Variants in GPS1 observed in about 807,000 individuals in gnomAD.
GPS1 encodes the protein G protein pathway suppressor 1, also known as COP9 signalosome complex subunit 1.
In GPS1, 11 loss-of-function variants were observed where a neutral mutation model predicts 60.0. The ratio of observed to expected loss-of-function variants is 0.18; its 90% CI spans 0.12 to 0.30. GPS1 has a LOEUF of 0.30. Ranked by LOEUF, GPS1 falls within the 10% of genes least tolerant of loss-of-function variation. The pLI is 1.00. For missense variants in GPS1, 543 were observed against 669.2 expected, an observed-to-expected ratio of 0.81 and a Z score of 2.08; for synonymous variants, 343 against 269.8, an observed-to-expected ratio of 1.27 and a Z score of -2.66.
intron 5 of GPS1, 58 bp from the exon 6 acceptor site, chr17:82,055,104 G>T (rs1183735309): frequency 1.3e-6 from 2 of 1,565,558 alleles, no homozygotes; most frequent in East Asian, 2.4e-5. Flanking sequence ...TGGGGGCTGG[G>T]CATCGAGCTC....
chr17:82,055,359 A>G (rs4969464), intron 6 of GPS1, 137 bp downstream of exon 6: 843,138 of 877,858 alleles, frequency 0.96, 405,119 homozygotes, highest in East Asian at 1. Context: ...GGGCACATGT[A>G]CAGGTGTAGG....
In GPS1 at chr17:82,057,049, G is replaced by A. The variant is rs2033000231; in HGVS notation, c.1390-4G>A. ...CTGTGAGCTGCTCCTTGTCTCCCCT[G>A]CAGTCCCCGCCCAGAGAAGGGAGCC... is the stretch of plus-strand genomic sequence containing the variant. On this transcript the variant is annotated splice_region_variant and splice_polypyrimidine_tract_variant and intron_variant, in intron 12 of 12. Coordinates refer to ENST00000578552, the MANE Select transcript of GPS1 (RefSeq NM_001321092.3). The A allele has an allele frequency of 6.2e-7, 1 of 1,601,114 alleles. No individual in the cohort carries two copies. The highest frequency in any genetic ancestry group is 1.7e-5 in the Admixed American group (1 of 59,378).
chr17:82,056,892 T>C lies in GPS1; in HGVS notation c.1307T>C (p.Leu436Pro). ...DQRSTTFEKS[L>P]LMGKEFQRRA... ...CGCAGCACCACCTTTGAGAAGTCTC[T>C]GTTGATGGGCAAGGAGTTCCAGCGC... Residue 436 changes from leucine (L) to proline (P), a missense_variant, in exon 12 of 13, where the codon CTG (leucine) becomes CCG (proline). Coordinates refer to ENST00000578552, the MANE Select transcript of GPS1 (RefSeq NM_001321092.3). 3 of 1,612,926 alleles carry C rather than the reference T, an allele frequency of 1.9e-6. No individual in the cohort carries two copies. Among genetic ancestry groups the C allele is most frequent in the Non-Finnish European group, 2.5e-6 (3 of 1,179,946 alleles).
chr17:82,057,164 TC>T lies in GPS1; in HGVS notation c.*41del. 6.4e-7 allele frequency: 1 copy of T among 1,570,914 alleles called. No individual in the cohort carries two copies. The highest frequency in any genetic ancestry group is 8.7e-7 in the Non-Finnish European group (1 of 1,155,382). On this transcript the variant is annotated 3_prime_UTR_variant, in exon 13 of 13. Coordinates refer to ENST00000578552, the MANE Select transcript of GPS1 (RefSeq NM_001321092.3). The stretch of plus-strand genomic sequence containing the variant: ...TGGCCTCCAGGACATCTGCACCCCC[TC>T]CCCACCTCCACGGACCTCGGACCTC...
chr17:82,055,557 G>C (rs1343044998), intron 6 of GPS1, 183 bp from the exon 7 acceptor site: 1 of 611,306 alleles, frequency 1.6e-6, no homozygotes, highest in Non-Finnish European at 2.9e-6. Context: ...AGCATTGGTG[G>C]GGCTCTTTCC....
At chr17:82,056,208 C>A in intron 8 of GPS1, 78 bp from the exon 9 acceptor site, 4 of 1,362,906 alleles carry the variant, frequency 2.9e-6, no homozygotes, top group South Asian at 1.2e-5. Flanking sequence ...AGGTGTTTGT[C>A]TGGGGACTGG....
chr17:82,054,073 G>C (rs780359016), intron 3 of GPS1, 24 bp downstream of exon 3: 3 of 1,589,028 alleles, frequency 1.9e-6, no homozygotes, highest in Admixed American at 3.5e-5. Context: ...CTTGGCGAGA[G>C]GAAGCAGAGG....
At chr17:82,056,808 G>A in intron 11 of GPS1, 32 bp from the exon 12 acceptor site, 2 of 1,609,306 alleles carry the variant, frequency 1.2e-6, no homozygotes, top group East Asian at 2.2e-5. Context: ...CTGGGGGTGA[G>A]CCTGGGCCCC....
At chr17:82,054,458 C>T (rs2032008241) in intron 3 of GPS1, 52 bp from the exon 4 acceptor site, 2 of 1,443,998 alleles carry the variant, frequency 1.4e-6, no homozygotes, top group African/African-American at 1.4e-5. Context: ...TTCCTCCCCT[C>T]CTCCCTGGCC....
upstream of GPS1, chr17:82,051,451 CG>C (rs1236323546): frequency 6.8e-6 from 9 of 1,331,578 alleles, no homozygotes; most frequent in Non-Finnish European, 8.7e-6. This position sits in a 1 kb window ranked among gnomAD's most constrained non-coding sequence, Gnocchi z 4.1. Context: ...CCCTGGGAGG[CG>C]GGGCGGGTGG....
upstream of GPS1, chr17:82,051,456 C>A: frequency 1.5e-6 from 2 of 1,327,982 alleles, no homozygotes; most frequent in South Asian, 2.2e-5. The surrounding 1 kb of genome is among the most constrained non-coding windows in gnomAD (Gnocchi z 4.1). Context: ...GGAGGCGGGG[C>A]GGGTGGGCGT....
intron 7 of GPS1, 35 bp from the exon 8 acceptor site, chr17:82,055,966 T>C: frequency 6.5e-7 from 1 of 1,530,254 alleles, no homozygotes; most frequent in Admixed American, 1.7e-5. Context: ...GGCCTGGCCC[T>C]TCACTGCCTG....
At chr17:82,054,130 C>CCTGCATCT in intron 3 of GPS1, 81 bp downstream of exon 3, 1 of 1,425,378 alleles carries the variant, frequency 7.0e-7, no homozygotes, top group Non-Finnish European at 9.4e-7. Flanking sequence ...CTTCCTGTGC[C>CCTGCATCT]CTGCATCTCC....
intron 1 of GPS1, chr17:82,052,583 G>A (rs1402269852): frequency 1.6e-6 from 2 of 1,215,324 alleles, no homozygotes; most frequent in African/African-American, 3.0e-5. Flanking sequence ...AAGCGCAGGA[G>A]GGGAGGGAGC....
chr17:82,055,421 T>A, intron 6 of GPS1, 199 bp downstream of exon 6: 1 of 646,290 alleles, frequency 1.5e-6, no homozygotes, highest in Non-Finnish European at 2.7e-6. Flanking sequence ...GTGGTCAGGG[T>A]CTGGCTGCTG....
chr17:82,055,859 C>T, intron 7 of GPS1, 34 bp downstream of exon 7: 1 of 1,514,276 alleles, frequency 6.6e-7, no homozygotes. Context: ...GGAGGCAGAG[C>T]ATGGGCTCAT....
upstream of GPS1, chr17:82,050,951 G>A (rs1193118739): frequency 2.8e-6 from 4 of 1,423,866 alleles, no homozygotes; most frequent in Non-Finnish European, 3.7e-6. Flanking sequence ...CGAGGCTGAA[G>A]CAGGCGGCCA....
chr17:82,054,895 C>T lies in GPS1; in HGVS notation c.610-3C>T. 1 of 1,580,002 alleles carries T rather than the reference C, an allele frequency of 6.3e-7. No individual in the cohort carries two copies. Among genetic ancestry groups the T allele is most frequent in the Non-Finnish European group, 8.6e-7 (1 of 1,159,940 alleles). On this transcript the variant is annotated splice_region_variant and splice_polypyrimidine_tract_variant and intron_variant, in intron 4 of 12. Coordinates refer to ENST00000578552, the MANE Select transcript of GPS1 (RefSeq NM_001321092.3). ...CTCACTTGGCTCTGCGCCCCCCCGCCAGGTCAGCGTCTACTTGCAGAATTG... is the reference window on the plus strand; with the variant it reads ...CTCACTTGGCTCTGCGCCCCCCCGCTAGGTCAGCGTCTACTTGCAGAATTG...
rs772365471 is a variant in GPS1, at chr17:82,056,310, G to A, written c.954G>A (p.Leu318=). Residue 318 remains leucine (L), a synonymous_variant, in exon 9 of 13, where the codon CTG becomes CTA. Coordinates refer to ENST00000578552, the MANE Select transcript of GPS1 (RefSeq NM_001321092.3). ...GCTCCTTCAAGTTGTTCTTGGAGCT[G>A]GAGCCACAGGTCCGAGACATCATCT... ...SSSSFKLFLE[L]EPQVRDIIFK... 7.4e-6 allele frequency: 12 copies of A among 1,612,614 alleles called. No homozygotes were observed. The highest frequency in any genetic ancestry group is 1.3e-5 in the African/African-American group (1 of 75,020).
Sources: allele counts gnomAD v4.1 joint callset, GRCh38; gene constraint gnomAD v4.1.1; non-coding constraint Gnocchi (gnomAD v3.1); transcripts MANE v1.5; gene names NCBI Gene and HGNC (gene_info 2026-07-23, HGNC 2026-07-21).